CFAP58: variants seen among roughly 807,000 people sequenced by gnomAD.
CFAP58 encodes the protein cilia and flagella associated protein 58.
Under a neutral mutation model 119.5 loss-of-function variants are expected in CFAP58, and 88 were observed. The ratio of observed to expected loss-of-function variants is 0.74; its 90% confidence interval spans 0.62 to 0.88. The LOEUF (loss-of-function observed/expected upper bound fraction) is 0.88, where lower values mean the gene tolerates loss of function less well. Ranked by LOEUF, CFAP58 falls within the 40% of genes least tolerant of loss-of-function variation. The probability of loss-of-function intolerance (pLI) is 0.00; values close to 1 mark genes in which losing one functional copy is unlikely to be tolerated. For missense variants in CFAP58, 990 were observed against 1,021.2 expected (o/e 0.97, Z 0.42); for synonymous variants, 365 against 366.3 (o/e 1.00, Z 0.04).
At chr10:104,422,768 G>A (rs780217145) in intron 15 of CFAP58, among the ~76,000 whole-genome samples, 24 of 152,152 alleles carry the variant, frequency 1.6e-4, no homozygotes, top group Non-Finnish European at 3.2e-4. Flanking sequence ...TACTTTTTGG[G>A]TCTCCATTTG....
At chr10:104,452,817 T>C (rs2013216179) in intron 17 of CFAP58, among the ~76,000 whole-genome samples, 1 of 152,212 alleles carries the variant, frequency 6.6e-6, no homozygotes, top group African/African-American at 2.4e-5. Context: ...CCTCTTCTTG[T>C]CCTTACACGC....
chr10:104,450,043 G>A, intron 16 of CFAP58, 28 bp from the exon 17 acceptor site: 3 of 1,581,524 alleles, frequency 1.9e-6, no homozygotes, highest in Non-Finnish European at 2.6e-6. Context: ...TGTATCTTTT[G>A]TTAATGCTGC....
upstream of CFAP58, chr10:104,351,624 A>G (rs184339638): frequency 9.2e-5 from 14 of 152,336 alleles, no homozygotes; most frequent in Admixed American, 2.6e-4. Flanking sequence ...CCCCATGGAG[A>G]AAAATATAGT....
At position 104,393,457 on chromosome 10, in the gene CFAP58, G is replaced by A. The variant is rs1391814173; in HGVS notation, c.1656G>A (p.Lys552=). The change falls in exon 11 of 18, where the codon AAG becomes AAA. Residue 552 remains lysine, a synonymous_variant. Transcript: ENST00000369704. ...ACCTGGAACAGCAGCGAATAGAAAAGGAAAAGGAAACATTGAAGGTACTGA... is the reference window on the plus strand; with the variant it reads ...ACCTGGAACAGCAGCGAATAGAAAAAGAAAAGGAAACATTGAAGGTACTGA... ...KLHLEQQRIE[K]EKETLKAELQ... 6.2e-7 allele frequency: 1 copy of A among 1,613,544 alleles called. No individual in the cohort carries two copies. Among genetic ancestry groups the A allele is most frequent in the Non-Finnish European group, 8.5e-7 (1 of 1,179,732 alleles).
intron 15 of CFAP58, among the ~76,000 whole-genome samples, chr10:104,413,859 G>A (rs1489568486): frequency 1.3e-5 from 2 of 152,088 alleles, no homozygotes; most frequent in Non-Finnish European, 2.9e-5. Flanking sequence ...ATTGGAGTAG[G>A]AAGCTCTAAC....
intron 15 of CFAP58, among the ~76,000 whole-genome samples, chr10:104,431,727 T>C (rs1186675049): frequency 2.0e-5 from 3 of 152,214 alleles, no homozygotes; most frequent in Non-Finnish European, 2.9e-5. Context: ...TGTCATTAAT[T>C]TGATGTGTAT....
chr10:104,432,585 C>A (rs965783539), intron 15 of CFAP58, among the ~76,000 whole-genome samples: 3 of 151,876 alleles, frequency 2.0e-5, no homozygotes, highest in African/African-American at 7.3e-5. Context: ...CCACTACATT[C>A]TCCGCCTCAT....
At chr10:104,442,001 TTC>T (rs1366576952) in intron 15 of CFAP58, among the ~76,000 whole-genome samples, 1 of 152,252 alleles carries the variant, frequency 6.6e-6, no homozygotes, top group African/African-American at 2.4e-5. Context: ...TAATTTATTT[TTC>T]TGTTAATGAA....
chr10:104,424,752 TGGGATGGTATATAATGAG>T (rs1381965505), intron 15 of CFAP58, among the ~76,000 whole-genome samples: 2 of 152,168 alleles, frequency 1.3e-5, no homozygotes, highest in East Asian at 3.9e-4. Context: ...AGCCACTGTC[TGGGATGGTATATAATGAG>T]ATGTTGTTGT....
intron 15 of CFAP58, among the ~76,000 whole-genome samples, chr10:104,418,277 G>A (rs1242457586): frequency 3.3e-5 from 5 of 152,204 alleles, no homozygotes; most frequent in African/African-American, 1.2e-4. Flanking sequence ...GGCTGGGTGC[G>A]GTGGCTCACG....
At chr10:104,427,014 T>A (rs1434091390) in intron 15 of CFAP58, among the ~76,000 whole-genome samples, 1 of 152,098 alleles carries the variant, frequency 6.6e-6, no homozygotes, top group Non-Finnish European at 1.5e-5. Flanking sequence ...AACAGCAGAG[T>A]GAATGGCCAA....
At chr10:104,364,690 G>T in intron 3 of CFAP58, 43 bp from the exon 4 acceptor site, 1 of 1,600,606 alleles carries the variant, frequency 6.2e-7, no homozygotes, top group Non-Finnish European at 8.5e-7. Context: ...GGACCCCTGA[G>T]CAGATGGCCA....
intron 9 of CFAP58, among the ~76,000 whole-genome samples, chr10:104,389,706 G>A (rs1263827701): frequency 2.0e-5 from 3 of 152,062 alleles, no homozygotes; most frequent in South Asian, 2.1e-4. Context: ...TCTATCATGC[G>A]TGCTTTTACA....
chr10:104,341,628 A>C, the CFAP58 span, among the ~76,000 whole-genome samples: 4 of 151,764 alleles, frequency 2.6e-5, no homozygotes, highest in East Asian at 7.7e-4. Flanking sequence ...CTCATTGAAA[A>C]GGGGAAAGAA....
At chr10:104,368,668 C>A in intron 6 of CFAP58, 108 bp downstream of exon 6, 2 of 1,157,364 alleles carry the variant, frequency 1.7e-6, no homozygotes, top group Non-Finnish European at 2.5e-6. Context: ...CTACTGAGTA[C>A]ATTGACACAT....
intron 1 of CFAP58, among the ~76,000 whole-genome samples, chr10:104,358,030 C>CACAT (rs570402415): frequency 0.012 from 1,594 of 137,044 alleles, 79 homozygotes; most frequent in African/African-American, 0.041. Context: ...CATATATATA[C>CACAT]ATATGTACAT....
At chr10:104,418,885 G>A (rs1490458035) in intron 15 of CFAP58, among the ~76,000 whole-genome samples, 1 of 152,188 alleles carries the variant, frequency 6.6e-6, no homozygotes, top group African/African-American at 2.4e-5. Context: ...GATGATGTGG[G>A]ACTGAGAGGT....
intron 15 of CFAP58, among the ~76,000 whole-genome samples, chr10:104,430,636 G>T (rs1304365091): frequency 6.6e-6 from 1 of 152,130 alleles, no homozygotes; most frequent in Non-Finnish European, 1.5e-5. Flanking sequence ...TTTATATAAA[G>T]AGGTGATTGG....
At chr10:104,382,359 C>T in intron 9 of CFAP58, 2 of 551,902 alleles carry the variant, frequency 3.6e-6, no homozygotes, top group Non-Finnish European at 3.3e-6. Context: ...CATAAAATGT[C>T]ATCTGTTGCA....
Sources: gnomAD v4.1 joint callset for allele counts (sites outside exome capture counted in the v4.1 genomes callset) on GRCh38, gnomAD v4.1.1 for gene constraint, MANE v1.5 for transcripts, NCBI Gene and HGNC (gene_info 2026-07-23, HGNC 2026-07-21) for gene names.